Variants in KMT2C observed in about 807,000 individuals in gnomAD.
KMT2C encodes the protein lysine methyltransferase 2C, also known as histone-lysine N-methyltransferase 2C.
In KMT2C, 88 loss-of-function variants were observed where a neutral mutation model predicts 507.9. The observed-to-expected ratio is 0.17, with a 90% CI of 0.15 to 0.21. KMT2C has a LOEUF of 0.21. Ranked by LOEUF, KMT2C falls within the 10% of genes least tolerant of loss-of-function variation. The pLI is 1.00. For synonymous variants in KMT2C, 2,049 were observed against 2,080.8 expected (o/e 0.98, Z 0.42); for missense variants, 4,954 against 5,957.8 (o/e 0.83, Z 5.55).
At chr7:152,174,312 T>C (rs2093099080) in intron 38 of KMT2C, 70 bp from the exon 39 acceptor site, 2 of 717,624 alleles carry the variant, frequency 2.8e-6, no homozygotes, top group Non-Finnish European at 2.3e-6. Flanking sequence ...GTAATTCAAA[T>C]ATTACAAGCT....
chr7:152,282,285 G>A (rs1287413711), intron 6 of KMT2C, among the ~76,000 whole-genome samples: 4 of 150,070 alleles, frequency 2.7e-5, no homozygotes, highest in Non-Finnish European at 5.9e-5. Flanking sequence ...TGACAGAGCT[G>A]GACCTTGTCT....
intron 1 of KMT2C, among the ~76,000 whole-genome samples, chr7:152,427,205 G>A (rs997683650): frequency 6.6e-5 from 10 of 151,856 alleles, no homozygotes; most frequent in Admixed American, 3.3e-4. Context: ...TAGTAGAGAC[G>A]GGGTTTCACC....
chr7:152,342,609 T>C (rs2097007099), intron 2 of KMT2C, among the ~76,000 whole-genome samples: 1 of 152,166 alleles, frequency 6.6e-6, no homozygotes, highest in Admixed American at 6.5e-5. Flanking sequence ...AAAAGCTCCA[T>C]GGGTACAAAA....
intron 14 of KMT2C, among the ~76,000 whole-genome samples, chr7:152,247,289 T>A (rs560876858): frequency 6.6e-6 from 1 of 152,154 alleles, no homozygotes; most frequent in Non-Finnish European, 1.5e-5. Flanking sequence ...AGAATGTACA[T>A]GATGTAAAGC....
chr7:152,432,238 T>G (rs2097869317), intron 1 of KMT2C, among the ~76,000 whole-genome samples: 1 of 152,200 alleles, frequency 6.6e-6, no homozygotes, highest in Non-Finnish European at 1.5e-5. Context: ...CACCCATTTC[T>G]AACATCAACT....
rs1448929958 is a variant in KMT2C, at chr7:152,435,745, C to G, written c.42G>C (p.Pro14=). 1 of 1,507,552 alleles carries G rather than the reference C, an allele frequency of 6.6e-7. No homozygotes were observed. Among genetic ancestry groups the G allele is most frequent in the Non-Finnish European group, 8.9e-7 (1 of 1,124,684 alleles). 93.4% of individuals were successfully genotyped at this position (1,507,552 alleles called of 1,614,324 possible). Residue 14 remains proline (P), a synonymous_variant, in exon 1 of 59, where the codon CCG becomes CCC. Coordinates refer to ENST00000262189, the MANE Select transcript of KMT2C (RefSeq NM_170606.3). ...EEDKSVEQPQ[P]PPPPPEEPGA... ...CAGGCTCCTCGGGGGGTGGTGGCGG[C>G]GGCTGCGGCTGCTCCACGCTCTTGT...
rs188730269 is a variant in KMT2C, at chr7:152,184,204, T to C, written c.5083-1048A>G. ...ATTTAAAAATTCTGTCATTACCTAA[T>C]TCAAGTCAAAATAAAACACAGCATA... On this transcript the variant is annotated intron_variant, in intron 34 of 58. Transcript: ENST00000262189. 1.3e-3 allele frequency among the ~76,000 whole-genome samples: 201 copies of C among 151,378 alleles called. 2 individuals carry two copies. Among genetic ancestry groups the C allele is most frequent in the Non-Finnish European group, 1.9e-3 (131 of 67,962 alleles).
At chr7:152,321,030 T>C (rs2129206109) in intron 3 of KMT2C, among the ~76,000 whole-genome samples, 1 of 152,106 alleles carries the variant, frequency 6.6e-6, no homozygotes, top group Non-Finnish European at 1.5e-5. Context: ...GGTCAGCAGT[T>C]TGAGACCAGC....
intron 3 of KMT2C, among the ~76,000 whole-genome samples, chr7:152,320,166 C>T (rs2096759921): frequency 6.6e-6 from 1 of 152,120 alleles, no homozygotes; most frequent in Non-Finnish European, 1.5e-5. Flanking sequence ...GTCTCCCATC[C>T]CCAAAATATC....
At chr7:152,412,291 C>A (rs2097692245) in intron 1 of KMT2C, among the ~76,000 whole-genome samples, 2 of 152,234 alleles carry the variant, frequency 1.3e-5, no homozygotes, top group South Asian at 4.1e-4. Flanking sequence ...ATCCCAGCTA[C>A]TCAGGAGGCT....
intron 3 of KMT2C, among the ~76,000 whole-genome samples, chr7:152,318,234 A>G (rs1193398419): frequency 1.3e-5 from 2 of 152,194 alleles, no homozygotes; most frequent in East Asian, 3.8e-4. Flanking sequence ...CAATAATGTA[A>G]ACCAAAACCA....
At chr7:152,221,238 C>G (rs192955443) in intron 22 of KMT2C, among the ~76,000 whole-genome samples, 1 of 152,288 alleles carries the variant, frequency 6.6e-6, no homozygotes, top group African/African-American at 2.4e-5. Context: ...GCCTGGGCGA[C>G]AGGGCGAGAC....
chr7:152,169,550 C>T (rs907225026), intron 40 of KMT2C, among the ~76,000 whole-genome samples: 1 of 152,130 alleles, frequency 6.6e-6, no homozygotes, highest in African/African-American at 2.4e-5. Flanking sequence ...ACTGCTAATA[C>T]TAAGCGAGAG....
chr7:152,183,130 A>G lies in KMT2C; in HGVS notation c.5109T>C (p.Ala1703=). ...ACATCTGTACTTTATTAATGCGTAA[A>G]GCAGCTCTGTTATCTCTGGCTTTTT... ...YVQKARDNRA[A]LRINKVQMSN... The change falls in exon 35 of 59, where the codon GCT becomes GCC. Residue 1703 remains alanine (A), a synonymous_variant. Coordinates refer to ENST00000262189, the MANE Select transcript of KMT2C (RefSeq NM_170606.3). 1 of 1,594,376 alleles carries G rather than the reference A, an allele frequency of 6.3e-7. No individual in the cohort carries two copies. Among genetic ancestry groups the G allele is most frequent in the East Asian group, 2.3e-5 (1 of 44,440 alleles).
Position 152,435,992 on chromosome 7 carries a change from GGC to G in KMT2C, c.-208_-207del, listed in dbSNP as rs1178617329. ...ACACGCACTCACACACATCGGCGCG[GGC>G]GCGCGCACCTCCGCGCGCAGGGGCC... is the stretch of plus-strand genomic sequence containing the variant. On this transcript the variant is annotated 5_prime_UTR_variant, in exon 1 of 59. Coordinates refer to ENST00000262189, the MANE Select transcript of KMT2C (RefSeq NM_170606.3). The G allele has an allele frequency of 3.7e-6, 1 of 271,596 alleles. No homozygotes were observed. The allele number at this position is 271,596 out of a possible 1,614,324, so 16.8% of individuals were successfully genotyped here.
At chr7:152,294,947 A>G (rs2096475688) in intron 6 of KMT2C, among the ~76,000 whole-genome samples, 1 of 152,154 alleles carries the variant, frequency 6.6e-6, no homozygotes, top group African/African-American at 2.4e-5. Flanking sequence ...CACCACTGCT[A>G]GTTAGGAAAA....
At chr7:152,342,741 T>TA (rs1398517277) in intron 2 of KMT2C, among the ~76,000 whole-genome samples, 1 of 152,200 alleles carries the variant, frequency 6.6e-6, no homozygotes, top group Non-Finnish European at 1.5e-5. Context: ...CTAGGAGCTC[T>TA]ACCAGTTTCT....
chr7:152,177,659 G>A lies in KMT2C; in HGVS notation c.7794C>T (p.Asp2598=), dbSNP rs956060845. 3 of 1,614,028 alleles carry A rather than the reference G, an allele frequency of 1.9e-6. No homozygotes were observed. The highest frequency in any genetic ancestry group is 2.2e-5 in the East Asian group (1 of 44,890). Residue 2598 remains aspartate (D), a synonymous_variant, in exon 38 of 59, where the codon GAC becomes GAT. Coordinates refer to ENST00000262189, the MANE Select transcript of KMT2C (RefSeq NM_170606.3). Reference sequence around the variant, plus strand: ...GGTCTGTGTGTCTAGGGCCCGGAAAGTCTGGCCGGGGAATGAAGTTTCCAT... The same window carrying A: ...GGTCTGTGTGTCTAGGGCCCGGAAAATCTGGCCGGGGAATGAAGTTTCCAT... ...LRHGNFIPRP[D]FPGPRHTDPM... is the part of the protein sequence containing the mutation.
chr7:152,371,946 T>C (rs1286732379), intron 1 of KMT2C, among the ~76,000 whole-genome samples: 1 of 151,852 alleles, frequency 6.6e-6, no homozygotes, highest in African/African-American at 2.4e-5. Context: ...TCCAATGATA[T>C]GCTGCCTACA....
Sources: gnomAD v4.1 joint callset for allele counts (sites outside exome capture counted in the v4.1 genomes callset) on GRCh38, gnomAD v4.1.1 for gene constraint, MANE v1.5 for transcripts, NCBI Gene and HGNC (gene_info 2026-07-23, HGNC 2026-07-21) for gene names.